PDE4D: variants seen among roughly 807,000 people sequenced by gnomAD.
The protein encoded by PDE4D is 3',5'-cyclic-AMP phosphodiesterase 4D.
PDE4D carries 24 observed loss-of-function variants against 87.4 expected under a neutral mutation model. The ratio of observed to expected loss-of-function variants is 0.27; its 90% CI spans 0.20 to 0.39. The LOEUF (loss-of-function observed/expected upper bound fraction) is 0.39, where lower values mean the gene tolerates loss of function less well. Among genes scored for constraint, PDE4D ranks in the 10% least tolerant of loss-of-function variants. PDE4D has a pLI of 1.00. For synonymous variants in PDE4D, 384 were observed against 383.2 expected, an observed-to-expected ratio of 1.00 and a Z score of -0.02; for missense variants, 714 against 1,041.0, an observed-to-expected ratio of 0.69 and a Z score of 4.32.
chr5:60,034,395 C>T (rs1360970907), intron 2 of PDE4D, among the ~76,000 whole-genome samples: 1 of 152,194 alleles, frequency 6.6e-6, no homozygotes, highest in Non-Finnish European at 1.5e-5. Context: ...TCATCCCTTT[C>T]TTCTTCCAGC....
chr5:60,267,638 A>G (rs1424473869), intron 1 of PDE4D, among the ~76,000 whole-genome samples: 2 of 152,134 alleles, frequency 1.3e-5, no homozygotes, highest in Admixed American at 6.5e-5. Context: ...TGGTACTTGG[A>G]GGCATCAAAA....
At position 59,844,095 on chromosome 5, in the gene PDE4D, G is replaced by A. The variant is rs185651591; in HGVS notation, c.455+49073C>T. On this transcript the variant is annotated intron_variant, in intron 1 of 14. Transcript: ENST00000340635. ...TACAGATCATGCGCAGCTAATTCCT[G>A]AGCTTGTTTTTCAACCTCTCAAACA... Among the ~76,000 whole-genome samples, 95 of 152,114 alleles carry A rather than the reference G, an allele frequency of 6.2e-4. 1 individual carries two copies. The highest frequency in any genetic ancestry group is 6.8e-3 in the Middle Eastern group (2 of 294).
At chr5:59,185,070 T>C (rs1742576840) in intron 4 of PDE4D, 119 bp downstream of exon 4, 3 of 687,860 alleles carry the variant, frequency 4.4e-6, no homozygotes, top group East Asian at 2.7e-5. Flanking sequence ...TGACTTAGTA[T>C]ACACAGACAA....
chr5:59,687,886 C>T (rs1327904964), intron 1 of PDE4D, among the ~76,000 whole-genome samples: 1 of 151,632 alleles, frequency 6.6e-6, no homozygotes, highest in Non-Finnish European at 1.5e-5. Context: ...CTACCAAGCA[C>T]ATGGAAAACA....
intron 1 of PDE4D, among the ~76,000 whole-genome samples, chr5:60,198,764 A>G (rs1741578220): frequency 6.6e-6 from 1 of 151,580 alleles, no homozygotes. Context: ...CTCAAAATTT[A>G]TTGTATAACC....
chr5:60,086,825 T>C (rs1412420954), intron 2 of PDE4D, among the ~76,000 whole-genome samples: 2 of 152,208 alleles, frequency 1.3e-5, no homozygotes, highest in Non-Finnish European at 2.9e-5. Flanking sequence ...AGGACATTAA[T>C]CTCAAAGACT....
At chr5:59,217,284 T>C (rs1033945480) in intron 1 of PDE4D, 1 of 455,718 alleles carries the variant, frequency 2.2e-6, no homozygotes, top group Non-Finnish European at 4.4e-6. Flanking sequence ...AATAAACATG[T>C]GAATTCAAGT....
intron 1 of PDE4D, among the ~76,000 whole-genome samples, chr5:60,331,514 T>A (rs1262932191): frequency 1.3e-5 from 2 of 152,252 alleles, no homozygotes; most frequent in Admixed American, 1.3e-4. Context: ...CCCTGCCCCT[T>A]GGCCTCCCTT....
chr5:60,256,356 G>A (rs531065592), intron 1 of PDE4D, among the ~76,000 whole-genome samples: 1 of 151,954 alleles, frequency 6.6e-6, no homozygotes, highest in African/African-American at 2.4e-5. Context: ...AGAAAATTTT[G>A]TGAAACCACT....
At position 59,735,062 on chromosome 5, in the gene PDE4D, G is replaced by A. The variant is rs191073537; in HGVS notation, c.455+158106C>T. Among the ~76,000 whole-genome samples, 278 of 152,188 alleles carry A rather than the reference G, an allele frequency of 1.8e-3. 1 individual carries two copies. The highest frequency in any genetic ancestry group is 3.3e-3 in the Non-Finnish European group (227 of 68,000). On this transcript the variant is annotated intron_variant, in intron 1 of 14. Transcript: ENST00000340635. ...CAGAAAAATATCAGATTTATCTATT[G>A]CCCATAGGATATTTGTTTTAAAGTG...
chr5:59,055,379 T>C (rs1208289578), intron 5 of PDE4D, among the ~76,000 whole-genome samples: 1 of 152,180 alleles, frequency 6.6e-6, no homozygotes. Context: ...TTAATGCCTT[T>C]AGGTCTTCCC....
intron 1 of PDE4D, among the ~76,000 whole-genome samples, chr5:59,837,758 T>A (rs191257169): frequency 5.3e-4 from 80 of 152,204 alleles, no homozygotes; most frequent in Non-Finnish European, 4.0e-4. Flanking sequence ...ACTAACAGAT[T>A]CGAGAGTTTC....
intron 1 of PDE4D, among the ~76,000 whole-genome samples, chr5:59,589,872 G>A (rs141682651): frequency 2.3e-3 from 353 of 152,210 alleles, no homozygotes; most frequent in African/African-American, 8.1e-3. Context: ...GTGAATTTTC[G>A]TTGGATTTTT....
intron 1 of PDE4D, among the ~76,000 whole-genome samples, chr5:60,433,212 A>G (rs1034842671): frequency 6.6e-6 from 1 of 152,226 alleles, no homozygotes; most frequent in African/African-American, 2.4e-5. Context: ...AGAATCTATA[A>G]GGAACTTAGA....
chr5:60,311,096 C>T (rs142284040), intron 1 of PDE4D, among the ~76,000 whole-genome samples: 130 of 151,868 alleles, frequency 8.6e-4, no homozygotes, highest in African/African-American at 2.9e-3. Context: ...CAGCTCACCA[C>T]AGTCTTCACC....
At chr5:59,039,480 T>C (rs1759229013) in intron 5 of PDE4D, 5 of 985,600 alleles carry the variant, frequency 5.1e-6, no homozygotes, top group South Asian at 4.7e-5. Flanking sequence ...TTGAAGTGAA[T>C]GAATCAGCCG....
At chr5:59,285,730 C>G (rs895221944) in intron 1 of PDE4D, among the ~76,000 whole-genome samples, 3 of 152,100 alleles carry the variant, frequency 2.0e-5, no homozygotes, top group Non-Finnish European at 2.9e-5. Context: ...TAATAGGAAC[C>G]TTTTGGAAGC....
At chr5:60,394,773 T>G (rs1762777382) in intron 1 of PDE4D, among the ~76,000 whole-genome samples, 2 of 152,214 alleles carry the variant, frequency 1.3e-5, no homozygotes, top group Non-Finnish European at 2.9e-5. Context: ...CTTGTCTATT[T>G]ACATATGTTT....
At chr5:59,331,652 G>C (rs1006137524) in intron 1 of PDE4D, among the ~76,000 whole-genome samples, 11 of 152,106 alleles carry the variant, frequency 7.2e-5, no homozygotes, top group Non-Finnish European at 1.5e-4. Context: ...ATAATCTATA[G>C]AAAAACTGTT....
Sources: gnomAD v4.1 joint callset for allele counts (sites outside exome capture counted in the v4.1 genomes callset) on GRCh38, gnomAD v4.1.1 for gene constraint, MANE v1.5 for transcripts, NCBI Gene and HGNC (gene_info 2026-07-23, HGNC 2026-07-21) for gene names.